RDX: variants seen among roughly 807,000 people sequenced by gnomAD.
The protein encoded by RDX is radixin, also known as deafness, autosomal recessive 24.
A neutral mutation model predicts 83.7 loss-of-function variants in RDX; 32 were observed. The observed-to-expected ratio is 0.38, with a 90% CI of 0.29 to 0.51. The LOEUF is 0.51. Among genes scored for constraint, RDX ranks in the 20% least tolerant of loss-of-function variants. The probability of loss-of-function intolerance (pLI) is 0.87; values close to 1 mark genes in which losing one functional copy is unlikely to be tolerated. For synonymous variants in RDX, 229 were observed against 222.7 expected (o/e 1.03, Z -0.25); for missense variants, 600 against 689.9 (o/e 0.87, Z 1.46).
chr11:110,202,675 G>A (rs1376061987), intron 14 of RDX, among the ~76,000 whole-genome samples: 3 of 150,580 alleles, frequency 2.0e-5, no homozygotes, highest in Non-Finnish European at 4.4e-5. Flanking sequence ...GATCTCCTGG[G>A]CTCAAGCAAT....
At chr11:110,176,649 T>C (rs923320708) in intron 15 of RDX, among the ~76,000 whole-genome samples, 2 of 152,092 alleles carry the variant, frequency 1.3e-5, no homozygotes, top group Non-Finnish European at 2.9e-5. Context: ...GCTTTCCAGA[T>C]TGGTAGCAGG....
chr11:110,258,236 A>G, intron 5 of RDX, 47 bp from the exon 6 acceptor site: 1 of 1,237,770 alleles, frequency 8.1e-7, no homozygotes, highest in Non-Finnish European at 1.2e-6. Flanking sequence ...TTTAAGATTC[A>G]AAAGCATACA....
chr11:110,248,591 G>C (rs181718368), intron 9 of RDX, among the ~76,000 whole-genome samples: 1 of 152,148 alleles, frequency 6.6e-6, no homozygotes, highest in Admixed American at 6.5e-5. Context: ...TGCTTATAAG[G>C]CACACTTTAA....
downstream of RDX, among the ~76,000 whole-genome samples, chr11:110,225,568 G>T (rs1182988913): frequency 6.6e-6 from 1 of 152,098 alleles, no homozygotes; most frequent in African/African-American, 2.4e-5. Flanking sequence ...CCACAATGAG[G>T]TACTGCTTCA....
intron 14 of RDX, among the ~76,000 whole-genome samples, chr11:110,216,366 A>G (rs995071819): frequency 1.1e-4 from 16 of 150,624 alleles, no homozygotes; most frequent in African/African-American, 3.4e-4. Context: ...TGGCTTGCCA[A>G]ACTTTTTCTA....
At chr11:110,291,026 G>T (rs1326670896) in intron 1 of RDX, among the ~76,000 whole-genome samples, 1 of 152,148 alleles carries the variant, frequency 6.6e-6, no homozygotes, top group African/African-American at 2.4e-5. Context: ...AAGGACCGAA[G>T]ACATGTAATA....
chr11:110,222,107 A>G (rs1396555584), intron 14 of RDX, among the ~76,000 whole-genome samples: 1 of 152,190 alleles, frequency 6.6e-6, no homozygotes, highest in East Asian at 1.9e-4. Context: ...GTACTATTAA[A>G]CCAAAAATAT....
chr11:110,247,270 T>A (rs1018066183), intron 10 of RDX, among the ~76,000 whole-genome samples: 2 of 152,142 alleles, frequency 1.3e-5, no homozygotes, highest in Non-Finnish European at 2.9e-5. Context: ...AGGAATTGAG[T>A]TCCAAAAAAG....
At chr11:110,285,149 G>A (rs1860930566) in intron 1 of RDX, among the ~76,000 whole-genome samples, 1 of 151,986 alleles carries the variant, frequency 6.6e-6, no homozygotes, top group Admixed American at 6.6e-5. Context: ...AGTACTTTGG[G>A]AGGCCGAGGC....
At chr11:110,294,817 CT>C (rs1448575178) in intron 1 of RDX, among the ~76,000 whole-genome samples, 1 of 152,092 alleles carries the variant, frequency 6.6e-6, no homozygotes, top group Non-Finnish European at 1.5e-5. Context: ...CCTACATACT[CT>C]TCCATGTGTG....
At chr11:110,179,108 G>A (rs1391892036) in intron 15 of RDX, among the ~76,000 whole-genome samples, 1 of 152,202 alleles carries the variant, frequency 6.6e-6, no homozygotes, top group Non-Finnish European at 1.5e-5. Flanking sequence ...CCAGGGGGAA[G>A]CTGCCGCAAT....
At chr11:110,229,132 T>C (rs1260862265), downstream of RDX, among the ~76,000 whole-genome samples, 3 of 151,932 alleles carry the variant, frequency 2.0e-5, no homozygotes, top group Non-Finnish European at 2.9e-5. Context: ...GATCAATCAA[T>C]GACAAGAAAC....
intron 14 of RDX, among the ~76,000 whole-genome samples, chr11:110,208,671 A>C (rs1048948484): frequency 2.6e-5 from 4 of 152,164 alleles, no homozygotes; most frequent in Non-Finnish European, 5.9e-5. Flanking sequence ...ATTAATTTAA[A>C]AAAATAGCCA....
At chr11:110,177,898 C>A (rs796957781) in intron 15 of RDX, among the ~76,000 whole-genome samples, 1 of 152,120 alleles carries the variant, frequency 6.6e-6, no homozygotes, top group Non-Finnish European at 1.5e-5. Context: ...TACTTAGAAA[C>A]CTTTGACATT....
At chr11:110,223,275 C>G (rs556485482) in intron 14 of RDX, among the ~76,000 whole-genome samples, 1 of 152,244 alleles carries the variant, frequency 6.6e-6, no homozygotes, top group African/African-American at 2.4e-5. Flanking sequence ...ATGGCGTGAA[C>G]CCGGGAGGTG....
chr11:110,180,253 G>A (rs1408028851), intron 15 of RDX, among the ~76,000 whole-genome samples: 2 of 152,102 alleles, frequency 1.3e-5, no homozygotes, highest in Non-Finnish European at 2.9e-5. Context: ...GAAATTGACT[G>A]TGTAGATCTG....
intron 14 of RDX, among the ~76,000 whole-genome samples, chr11:110,219,207 T>C (rs1864161819): frequency 6.6e-6 from 1 of 152,142 alleles, no homozygotes; most frequent in Non-Finnish European, 1.5e-5. Context: ...TCTGGGAAAG[T>C]GTCTTCCAAG....
chr11:110,231,796 C>T lies in RDX; in HGVS notation c.*73G>A, dbSNP rs1864646813. Reference sequence around the variant, plus strand: ...TTTGGCAAGGTGGGATGCATTCCATCATATCTGCAAAGGCCTGCTTTTCTC... The same window carrying T: ...TTTGGCAAGGTGGGATGCATTCCATTATATCTGCAAAGGCCTGCTTTTCTC... On this transcript the variant is annotated 3_prime_UTR_variant, in exon 14 of 14. Coordinates refer to ENST00000645495, the MANE Select transcript of RDX (RefSeq NM_002906.4). 2.6e-6 allele frequency: 4 copies of T among 1,552,604 alleles called. No homozygotes were observed. The highest frequency in any genetic ancestry group is 2.2e-5 in the East Asian group (1 of 44,552).
At chr11:110,233,714 A>G (rs1263221622) in intron 12 of RDX, among the ~76,000 whole-genome samples, 4 of 152,244 alleles carry the variant, frequency 2.6e-5, no homozygotes, top group Admixed American at 6.5e-5. Context: ...AGATTAAAAG[A>G]AAAACAAGCA....
Sources: allele counts gnomAD v4.1 joint callset (sites outside exome capture counted in the v4.1 genomes callset), GRCh38; gene constraint gnomAD v4.1.1; transcripts MANE v1.5; gene names NCBI Gene and HGNC (gene_info 2026-07-23, HGNC 2026-07-21).